ZNF804B: variants seen among roughly 807,000 people sequenced by gnomAD.
ZNF804B encodes the protein zinc finger protein 804B.
ZNF804B carries 80 observed loss-of-function variants against 101.4 expected under a neutral mutation model. The ratio of observed to expected loss-of-function variants is 0.79; its 90% CI spans 0.66 to 0.95. ZNF804B has a LOEUF of 0.95. Ranked by LOEUF, ZNF804B falls within the 40% of genes least tolerant of loss-of-function variation. ZNF804B has a pLI of 0.00. For missense variants in ZNF804B, 1,673 were observed against 1,561.9 expected, an observed-to-expected ratio of 1.07 and a Z score of -1.20; for synonymous variants, 622 against 558.8, an observed-to-expected ratio of 1.11 and a Z score of -1.59.
chr7:88,851,592 G>T (rs1477965204), intron 1 of ZNF804B, among the ~76,000 whole-genome samples: 2 of 151,950 alleles, frequency 1.3e-5, no homozygotes, highest in Non-Finnish European at 2.9e-5. Context: ...CTAAATGAGT[G>T]TAACACTAGC....
intron 1 of ZNF804B, among the ~76,000 whole-genome samples, chr7:88,968,658 G>A (rs1432258863): frequency 6.6e-6 from 1 of 151,510 alleles, no homozygotes; most frequent in African/African-American, 2.4e-5. Context: ...GAAGAATAAG[G>A]TGCATACATT....
chr7:88,798,691 T>A (rs954143065), intron 1 of ZNF804B, among the ~76,000 whole-genome samples: 13 of 152,074 alleles, frequency 8.5e-5, no homozygotes, highest in African/African-American at 3.1e-4. Flanking sequence ...CTGTCAAGAG[T>A]AAGTTCTGAC....
chr7:88,825,096 C>A (rs1004281881), intron 1 of ZNF804B, among the ~76,000 whole-genome samples: 2 of 152,044 alleles, frequency 1.3e-5, no homozygotes, highest in Non-Finnish European at 2.9e-5. Context: ...AAGGCAGCAC[C>A]ATTTCAAAAA....
At chr7:89,145,032 G>A (rs1333700948) in intron 1 of ZNF804B, among the ~76,000 whole-genome samples, 4 of 151,724 alleles carry the variant, frequency 2.6e-5, no homozygotes, top group Non-Finnish European at 5.9e-5. Flanking sequence ...CTTAAGCTTG[G>A]GAAGTGGAGG....
intron 1 of ZNF804B, among the ~76,000 whole-genome samples, chr7:89,204,383 A>G (rs1788687610): frequency 6.6e-6 from 1 of 152,206 alleles, no homozygotes; most frequent in Non-Finnish European, 1.5e-5. Context: ...TACTACCTTT[A>G]TAAATGGAAC....
At chr7:89,110,886 C>T (rs959624701) in intron 1 of ZNF804B, among the ~76,000 whole-genome samples, 3 of 152,148 alleles carry the variant, frequency 2.0e-5, no homozygotes, top group Middle Eastern at 6.8e-3. Context: ...CTCTCCTCTC[C>T]TCCCACCACC....
At chr7:89,171,320 T>C (rs977688655) in intron 1 of ZNF804B, among the ~76,000 whole-genome samples, 95 of 115,732 alleles carry the variant, frequency 8.2e-4, no homozygotes, top group African/African-American at 2.3e-3. Flanking sequence ...CTTCTTCTTC[T>C]TCTTCTTCTT....
At chr7:88,926,629 AAATT>A (rs1792804720) in intron 1 of ZNF804B, among the ~76,000 whole-genome samples, 1 of 151,986 alleles carries the variant, frequency 6.6e-6, no homozygotes, top group Non-Finnish European at 1.5e-5. Context: ...GTAAATACAT[AAATT>A]AATTAATTAA....
intron 2 of ZNF804B, among the ~76,000 whole-genome samples, chr7:89,249,523 C>T (rs763380173): frequency 2.6e-5 from 4 of 152,030 alleles, no homozygotes; most frequent in Non-Finnish European, 5.9e-5. Flanking sequence ...CACCTTGCTA[C>T]TCAATGACTT....
At chr7:89,238,867 G>A (rs2115757222) in intron 2 of ZNF804B, among the ~76,000 whole-genome samples, 1 of 152,218 alleles carries the variant, frequency 6.6e-6, no homozygotes, top group Non-Finnish European at 1.5e-5. Context: ...AGGTCAAGGT[G>A]GCAGACCTGA....
At chr7:88,797,063 C>G (rs1045457805) in intron 1 of ZNF804B, among the ~76,000 whole-genome samples, 1 of 152,066 alleles carries the variant, frequency 6.6e-6, no homozygotes, top group South Asian at 2.1e-4. Flanking sequence ...AACATTTAAA[C>G]AATTATTTTC....
Position 88,930,699 on chromosome 7 carries a change from G to A in ZNF804B, c.108+170615G>A, listed in dbSNP as rs138540462. 2.9e-3 allele frequency among the ~76,000 whole-genome samples: 442 copies of A among 151,894 alleles called. 3 individuals are homozygous for A. Among genetic ancestry groups the A allele is most frequent in the South Asian group, 0.012 (60 of 4,804 alleles). ...AGAGTTAATGGCCTAGAATGCTGACGTTTCATGGGTTCTTCAAGACAGCGT... is the reference window on the plus strand; with the variant it reads ...AGAGTTAATGGCCTAGAATGCTGACATTTCATGGGTTCTTCAAGACAGCGT... On this transcript the variant is annotated intron_variant, in intron 1 of 3. Transcript: ENST00000333190.
At chr7:89,120,657 C>CAAGAA (rs543359215) in intron 1 of ZNF804B, among the ~76,000 whole-genome samples, 9 of 103,328 alleles carry the variant, frequency 8.7e-5, no homozygotes, top group African/African-American at 3.7e-4. Flanking sequence ...GACTCCGCCT[C>CAAGAA]AAAAAAAAAA....
chr7:88,932,014 GAC>G (rs919352648), intron 1 of ZNF804B, among the ~76,000 whole-genome samples: 1 of 147,206 alleles, frequency 6.8e-6, no homozygotes, highest in African/African-American at 2.5e-5. Context: ...AAAAAAAAAA[GAC>G]ATATTAACAA....
intron 2 of ZNF804B, among the ~76,000 whole-genome samples, chr7:89,284,771 T>C (rs1790155848): frequency 6.6e-6 from 1 of 152,048 alleles, no homozygotes. Flanking sequence ...GATCTAAAGC[T>C]AGCTAATTTA....
intron 1 of ZNF804B, among the ~76,000 whole-genome samples, chr7:89,133,512 T>G (rs867965710): frequency 6.6e-6 from 1 of 152,006 alleles, no homozygotes; most frequent in Non-Finnish European, 1.5e-5. Flanking sequence ...TACCATTGCC[T>G]TCATGAGACT....
At chr7:89,165,369 T>C (rs895965152) in intron 1 of ZNF804B, among the ~76,000 whole-genome samples, 1 of 152,062 alleles carries the variant, frequency 6.6e-6, no homozygotes, top group Middle Eastern at 3.2e-3. Context: ...GAAGGTGATA[T>C]ATGCAAGCAG....
chr7:89,171,967 A>C (rs1011435811), intron 1 of ZNF804B, among the ~76,000 whole-genome samples: 1 of 151,812 alleles, frequency 6.6e-6, no homozygotes, highest in African/African-American at 2.4e-5. Context: ...GATCTATTTG[A>C]AATATAGTCC....
chr7:88,884,503 A>G (rs1485441841), intron 1 of ZNF804B, among the ~76,000 whole-genome samples: 2 of 151,824 alleles, frequency 1.3e-5, no homozygotes, highest in Admixed American at 1.3e-4. Flanking sequence ...GTTTAAAAAA[A>G]TCTATGGCAC....
Sources: gnomAD v4.1 joint callset for allele counts (sites outside exome capture counted in the v4.1 genomes callset) on GRCh38, gnomAD v4.1.1 for gene constraint, MANE v1.5 for transcripts, NCBI Gene and HGNC (gene_info 2026-07-23, HGNC 2026-07-21) for gene names.